Variants in PRKCQ observed in about 807,000 individuals in gnomAD.
The protein encoded by PRKCQ is protein kinase C theta type.
A neutral mutation model predicts 91.2 loss-of-function variants in PRKCQ; 41 were observed. The observed-to-expected ratio is 0.45, with a 90% CI of 0.35 to 0.58. The LOEUF (loss-of-function observed/expected upper bound fraction) is 0.58. Among genes scored for constraint, PRKCQ ranks in the 20% least tolerant of loss-of-function variants. The pLI, the probability that PRKCQ is intolerant of heterozygous loss-of-function variation, is 0.00. For missense variants in PRKCQ, 673 were observed against 896.5 expected (o/e 0.75, Z 3.18); for synonymous variants, 307 against 316.9 (o/e 0.97, Z 0.33).
the PRKCQ span, among the ~76,000 whole-genome samples, chr10:6,416,458 A>C: frequency 1.3e-5 from 2 of 152,148 alleles, no homozygotes; most frequent in African/African-American, 4.8e-5. Context: ...ATGAGAACAT[A>C]TGATGTTTGG....
chr10:6,409,373 C>A, the PRKCQ span, among the ~76,000 whole-genome samples: 1 of 152,200 alleles, frequency 6.6e-6, no homozygotes, highest in Non-Finnish European at 1.5e-5. Flanking sequence ...CGGCTCACTG[C>A]AACCTCTGCC....
chr10:6,416,462 T>C, the PRKCQ span, among the ~76,000 whole-genome samples: 3 of 152,186 alleles, frequency 2.0e-5, no homozygotes, highest in African/African-American at 7.2e-5. Context: ...GAACATATGA[T>C]GTTTGGTTTT....
chr10:6,512,570 T>G (rs1394876340), intron 2 of PRKCQ, among the ~76,000 whole-genome samples: 1 of 152,270 alleles, frequency 6.6e-6, no homozygotes, highest in East Asian at 1.9e-4. Flanking sequence ...TGAGTGTTTG[T>G]TTCTTGTGAC....
At chr10:6,488,685 A>T (rs554948243) in intron 8 of PRKCQ, among the ~76,000 whole-genome samples, 48 of 152,314 alleles carry the variant, frequency 3.2e-4, no homozygotes, top group Non-Finnish European at 4.6e-4. Context: ...CGCCCGGTCA[A>T]CTATTAACCA....
intron 10 of PRKCQ, 73 bp from the exon 11 acceptor site, chr10:6,483,673 C>A: frequency 6.5e-7 from 1 of 1,534,092 alleles, no homozygotes; most frequent in Non-Finnish European, 8.9e-7. Flanking sequence ...AGAGCACATG[C>A]TTTCTCTTCT....
chr10:6,486,062 C>A lies in PRKCQ; in HGVS notation c.873G>T (p.Ala291=), dbSNP rs370555924. The A allele has an allele frequency of 6.2e-7, 1 of 1,613,866 alleles. No homozygotes were observed. Among genetic ancestry groups the A allele is most frequent in the Non-Finnish European group, 8.5e-7 (1 of 1,180,016 alleles). ...CGINQKLMAE[A]LAMIESTQQA... Reference sequence around the variant, plus strand: ...GTTGAGTGCTCTCAATCATGGCCAGCGCTTCAGCCATTAGCTTCTGGTTTA... The same window carrying A: ...GTTGAGTGCTCTCAATCATGGCCAGAGCTTCAGCCATTAGCTTCTGGTTTA... Residue 291 remains alanine, a synonymous_variant, in exon 9 of 18, where the codon GCG becomes GCT. Coordinates refer to ENST00000263125, the MANE Select transcript of PRKCQ (RefSeq NM_006257.5).
the PRKCQ span, among the ~76,000 whole-genome samples, chr10:6,408,180 A>C: frequency 6.7e-6 from 1 of 149,596 alleles, no homozygotes; most frequent in African/African-American, 2.5e-5. Context: ...TTTTCCTTGC[A>C]ATTTATTTAT....
At chr10:6,515,313 G>T in intron 1 of PRKCQ, 169 bp from the exon 2 acceptor site, 1 of 1,505,220 alleles carries the variant, frequency 6.6e-7, no homozygotes, top group Admixed American at 2.4e-5. Context: ...GGACACTGCT[G>T]GACTCACCCA....
Position 6,567,605 on chromosome 10 carries a change from A to G in PRKCQ, c.-10+12606T>C, listed in dbSNP as rs74587033. Among the ~76,000 whole-genome samples, 817 of 152,328 alleles carry G rather than the reference A, an allele frequency of 5.4e-3. 9 individuals carry two copies. Among genetic ancestry groups the G allele is most frequent in the African/African-American group, 0.018 (768 of 41,582 alleles). On this transcript the variant is annotated intron_variant, in intron 1 of 17. Coordinates refer to ENST00000263125, the MANE Select transcript of PRKCQ (RefSeq NM_006257.5). The stretch of plus-strand genomic sequence containing the variant: ...AGGTCACCAAGGCCTTCTGGGGTAC[A>G]AGCTGGAAACCTCAGCACTGGCTTT...
chr10:6,530,634 G>A lies in PRKCQ; in HGVS notation c.-9-15490C>T, dbSNP rs187150446. ...AGAAAGTGCAGAAAGAAAGAGCTGG[G>A]TCTATCTGGGCAGATGCATGCGTTT... On this transcript the variant is annotated intron_variant, in intron 1 of 17. Transcript: ENST00000263125. 1.9e-3 allele frequency among the ~76,000 whole-genome samples: 292 copies of A among 152,334 alleles called. 6 individuals are homozygous for A. The highest frequency in any genetic ancestry group is 8.4e-4 in the Non-Finnish European group (57 of 68,036).
intron 1 of PRKCQ, among the ~76,000 whole-genome samples, chr10:6,565,213 GTGTGATCTCTCTTTA>G (rs1840797556): frequency 6.6e-6 from 1 of 152,182 alleles, no homozygotes; most frequent in South Asian, 2.1e-4. Flanking sequence ...TGAATAAATA[GTGTGATCTCTCTTTA>G]TGTTTACATA....
intron 1 of PRKCQ, among the ~76,000 whole-genome samples, chr10:6,558,497 A>G (rs1840504571): frequency 6.6e-6 from 1 of 152,226 alleles, no homozygotes; most frequent in Non-Finnish European, 1.5e-5. Flanking sequence ...CACAGATAAA[A>G]TGCAACCAGA....
chr10:6,508,314 T>C (rs781445736), intron 3 of PRKCQ, among the ~76,000 whole-genome samples: 12 of 152,154 alleles, frequency 7.9e-5, no homozygotes, highest in Non-Finnish European at 1.2e-4. Context: ...GACTTGAAGG[T>C]CATTATTGGT....
chr10:6,455,262 A>G (rs1834944231), intron 15 of PRKCQ, among the ~76,000 whole-genome samples: 1 of 152,246 alleles, frequency 6.6e-6, no homozygotes, highest in Non-Finnish European at 1.5e-5. Flanking sequence ...AAAATGGTTT[A>G]TAGCATCAAA....
the PRKCQ span, among the ~76,000 whole-genome samples, chr10:6,396,199 A>G: frequency 1.4e-4 from 22 of 152,308 alleles, no homozygotes; most frequent in East Asian, 4.0e-3. Flanking sequence ...GCCATTTGCT[A>G]GATGTTAGAA....
At chr10:6,509,294 A>G (rs1198552909) in intron 3 of PRKCQ, among the ~76,000 whole-genome samples, 2 of 152,190 alleles carry the variant, frequency 1.3e-5, no homozygotes, top group African/African-American at 4.8e-5. Flanking sequence ...ATCAGTGAAG[A>G]CTACTTAACA....
chr10:6,571,387 G>A (rs1401907872), intron 1 of PRKCQ, among the ~76,000 whole-genome samples: 3 of 152,192 alleles, frequency 2.0e-5, no homozygotes, highest in Non-Finnish European at 4.4e-5. Flanking sequence ...TCTCTAGTCT[G>A]TATAATGAAC....
intron 1 of PRKCQ, among the ~76,000 whole-genome samples, chr10:6,519,160 C>T (rs375598461): frequency 1.6e-4 from 24 of 152,186 alleles, no homozygotes; most frequent in African/African-American, 4.1e-4. Context: ...TTTTGGTGTT[C>T]GGAGCAGATA....
intron 12 of PRKCQ, among the ~76,000 whole-genome samples, chr10:6,476,031 C>T (rs564069194): frequency 7.2e-5 from 11 of 152,168 alleles, no homozygotes; most frequent in Admixed American, 5.2e-4. Context: ...CCCAGCTGCA[C>T]GGAACTCATT....
Sources: gnomAD v4.1 joint callset for allele counts (sites outside exome capture counted in the v4.1 genomes callset) on GRCh38, gnomAD v4.1.1 for gene constraint, MANE v1.5 for transcripts, NCBI Gene and HGNC (gene_info 2026-07-23, HGNC 2026-07-21) for gene names.